SORCS3: variants seen among roughly 807,000 people sequenced by gnomAD.
SORCS3 encodes VPS10 domain-containing receptor SorCS3.
SORCS3 carries 57 observed loss-of-function variants against 146.3 expected under a neutral mutation model. The observed-to-expected ratio is 0.39, with a 90% CI of 0.31 to 0.49. SORCS3 has a LOEUF of 0.49. Among genes scored for constraint, SORCS3 ranks in the 20% least tolerant of loss-of-function variants. The pLI is 0.92. For synonymous variants in SORCS3, 653 were observed against 618.5 expected (o/e 1.06, Z -0.83); for missense variants, 1,341 against 1,575.5 (o/e 0.85, Z 2.52).
At chr10:105,189,017 G>A (rs1236443485) in intron 14 of SORCS3, among the ~76,000 whole-genome samples, 2 of 152,234 alleles carry the variant, frequency 1.3e-5, no homozygotes, top group Admixed American at 6.5e-5. Context: ...TCAATAGGGA[G>A]AAGTTGTATG....
At chr10:104,798,913 G>C (rs1346585239) in intron 1 of SORCS3, among the ~76,000 whole-genome samples, 2 of 152,152 alleles carry the variant, frequency 1.3e-5, no homozygotes, top group African/African-American at 4.8e-5. Flanking sequence ...CTCAAAAGAA[G>C]ACATTTATGC....
At chr10:104,806,232 T>C (rs2017678593) in intron 1 of SORCS3, among the ~76,000 whole-genome samples, 1 of 152,232 alleles carries the variant, frequency 6.6e-6, no homozygotes, top group Non-Finnish European at 1.5e-5. Flanking sequence ...TCCACCATTC[T>C]AGCTGTCTCC....
chr10:105,177,557 A>G (rs1337847309), intron 13 of SORCS3, among the ~76,000 whole-genome samples: 1 of 152,142 alleles, frequency 6.6e-6, no homozygotes, highest in Non-Finnish European at 1.5e-5. Flanking sequence ...TCAGACTCTC[A>G]GTGGTCATCC....
intron 1 of SORCS3, among the ~76,000 whole-genome samples, chr10:104,804,726 C>A (rs981571458): frequency 2.0e-5 from 3 of 152,144 alleles, no homozygotes; most frequent in African/African-American, 7.2e-5. Context: ...AAACTCCTGG[C>A]AGAGATAGAA....
intron 3 of SORCS3, among the ~76,000 whole-genome samples, chr10:104,936,575 G>T (rs746566944): frequency 1.1e-4 from 17 of 152,170 alleles, no homozygotes; most frequent in Admixed American, 3.3e-4. Flanking sequence ...TGCTGAGTTT[G>T]ATACTATGGG....
intron 1 of SORCS3, among the ~76,000 whole-genome samples, chr10:104,837,891 G>A (rs1300132743): frequency 2.6e-5 from 4 of 152,164 alleles, no homozygotes; most frequent in Non-Finnish European, 4.4e-5. Flanking sequence ...GGAGCATCAC[G>A]TTAGAGCAGA....
chr10:104,699,943 T>C (rs887222613), intron 1 of SORCS3, among the ~76,000 whole-genome samples: 1 of 152,216 alleles, frequency 6.6e-6, no homozygotes, highest in Non-Finnish European at 1.5e-5. Flanking sequence ...TTACAGATTA[T>C]TTTCTCACCT....
intron 1 of SORCS3, among the ~76,000 whole-genome samples, chr10:104,660,811 A>T (rs896294526): frequency 1.6e-4 from 24 of 152,236 alleles, no homozygotes; most frequent in African/African-American, 5.3e-4. Flanking sequence ...TGGTCCAGAG[A>T]TGCCTATTTC....
chr10:104,856,530 G>T (rs866375564), intron 2 of SORCS3, among the ~76,000 whole-genome samples: 3 of 145,246 alleles, frequency 2.1e-5, no homozygotes, highest in Middle Eastern at 3.4e-3. Flanking sequence ...AGAAATGTAT[G>T]TATATATAAA....
chr10:105,239,601 A>C (rs2056811594), intron 20 of SORCS3, among the ~76,000 whole-genome samples: 2 of 152,154 alleles, frequency 1.3e-5, no homozygotes, highest in Admixed American at 1.3e-4. Flanking sequence ...CTCACAGCCT[A>C]GGCAGGGCAT....
chr10:104,916,050 A>G (rs1317711437), intron 3 of SORCS3, 118 bp downstream of exon 3: 4 of 718,892 alleles, frequency 5.6e-6, no homozygotes, highest in African/African-American at 3.6e-5. Context: ...TCTGGTTTAT[A>G]TGCTGGGAAC....
At chr10:104,817,108 AC>A in intron 1 of SORCS3, among the ~76,000 whole-genome samples, 1 of 152,070 alleles carries the variant, frequency 6.6e-6, no homozygotes, top group Non-Finnish European at 1.5e-5. Context: ...ACTTTCACCA[AC>A]TTGGAAGCGG....
intron 16 of SORCS3, among the ~76,000 whole-genome samples, chr10:105,210,170 C>T (rs2056625482): frequency 6.6e-6 from 1 of 151,988 alleles, no homozygotes; most frequent in Non-Finnish European, 1.5e-5. Flanking sequence ...AATCTTGGCT[C>T]AAAGAATATA....
In SORCS3 at chr10:104,955,302, C is replaced by G. The variant is rs138709572; in HGVS notation, c.796-22033C>G. Among the ~76,000 whole-genome samples the G allele has an allele frequency of 2.8e-3, 425 of 152,290 alleles. 3 individuals carry two copies. The highest frequency in any genetic ancestry group is 9.3e-3 in the African/African-American group (388 of 41,558). ...GACCTTTTGTTTCTGCTGCTTCTTA[C>G]CTGCCATAGTGTTTTCGAAGTTTTT... On this transcript the variant is annotated intron_variant, in intron 3 of 26. Transcript: ENST00000369701.
intron 1 of SORCS3, among the ~76,000 whole-genome samples, chr10:104,646,828 A>C (rs2015501031): frequency 6.6e-6 from 1 of 152,078 alleles, no homozygotes; most frequent in East Asian, 1.9e-4. Flanking sequence ...GGTAAGCAGA[A>C]CTGGCTCTGT....
intron 2 of SORCS3, among the ~76,000 whole-genome samples, chr10:104,885,440 G>A (rs1400952935): frequency 6.6e-6 from 1 of 152,158 alleles, no homozygotes; most frequent in Non-Finnish European, 1.5e-5. Context: ...GATCCTTTGT[G>A]TAGGTGGCCC....
intron 1 of SORCS3, among the ~76,000 whole-genome samples, chr10:104,802,751 G>A (rs2017637944): frequency 6.6e-6 from 1 of 152,320 alleles, no homozygotes; most frequent in Middle Eastern, 3.4e-3. Context: ...TGGTAGTGGG[G>A]CCTGGAGTCA....
At chr10:104,902,667 A>G (rs1244832682) in intron 2 of SORCS3, among the ~76,000 whole-genome samples, 1 of 152,238 alleles carries the variant, frequency 6.6e-6, no homozygotes, top group African/African-American at 2.4e-5. Flanking sequence ...CAGAGGAGAA[A>G]CAGGGAATGG....
chr10:104,930,244 A>T (rs1163572208), intron 3 of SORCS3, among the ~76,000 whole-genome samples: 3 of 152,274 alleles, frequency 2.0e-5, no homozygotes, highest in African/African-American at 7.2e-5. Flanking sequence ...GACACATTGC[A>T]GCAAAAAGAC....
Sources: gnomAD v4.1 joint callset for allele counts (sites outside exome capture counted in the v4.1 genomes callset) on GRCh38, gnomAD v4.1.1 for gene constraint, MANE v1.5 for transcripts, NCBI Gene and HGNC (gene_info 2026-07-23, HGNC 2026-07-21) for gene names.